Variants in LOC728392 observed in about 807,000 individuals in gnomAD.
At chr17:5,499,815 C>T in the LOC728392 span, 1 of 986,008 alleles carries the variant, frequency 1.0e-6, no homozygotes, top group African/African-American at 1.7e-5. Flanking sequence ...AGGAGTGCGC[C>T]AGCTCTGGGC....
At chr17:5,500,773 G>T in the LOC728392 span, 2 of 1,199,628 alleles carry the variant, frequency 1.7e-6, no homozygotes, top group African/African-American at 3.4e-5. This position sits in a 1 kb window ranked among gnomAD's most constrained non-coding sequence, Gnocchi z 5.4. Flanking sequence ...TGCCCGGCGC[G>T]GCCCCCCTGC....
the LOC728392 span, chr17:5,500,226 G>A: frequency 9.1e-6 from 9 of 991,442 alleles, no homozygotes; most frequent in East Asian, 9.0e-4. This position sits in a 1 kb window ranked among gnomAD's most constrained non-coding sequence, Gnocchi z 5.4. Context: ...ATCCCTTAAA[G>A]ATTCCAAGAT....
the LOC728392 span, chr17:5,500,272 G>A: frequency 1.7e-4 from 165 of 998,690 alleles, no homozygotes; most frequent in Admixed American, 1.8e-4. The surrounding 1 kb of genome is among the most constrained non-coding windows in gnomAD (Gnocchi z 5.4). Context: ...ACAAAATGAT[G>A]GGATCCCTGC....
the LOC728392 span, chr17:5,499,665 G>C: frequency 1.4e-6 from 1 of 693,810 alleles, no homozygotes; most frequent in Non-Finnish European, 1.8e-6. Context: ...ACGAACTCTT[G>C]TCAATGAGAA....
At chr17:5,499,730 G>C in the LOC728392 span, 26 of 977,318 alleles carry the variant, frequency 2.7e-5, no homozygotes, top group African/African-American at 3.5e-5. Context: ...AGCCGGGCCA[G>C]AACGAAGCCA....
At chr17:5,500,004 C>G in the LOC728392 span, 18,635 of 986,120 alleles carry the variant, frequency 0.019, 190 homozygotes, top group Admixed American at 0.023. The surrounding 1 kb of genome is among the most constrained non-coding windows in gnomAD (Gnocchi z 5.4). Context: ...GGGGGCGCAG[C>G]ACGACACCCC....
chr17:5,500,422 T>A, the LOC728392 span: 2 of 1,108,392 alleles, frequency 1.8e-6, no homozygotes, highest in Non-Finnish European at 2.2e-6. This position sits in a 1 kb window ranked among gnomAD's most constrained non-coding sequence, Gnocchi z 5.4. Flanking sequence ...TGCCGGCAGC[T>A]ACTTTGTACT....
At chr17:5,500,694 A>C in the LOC728392 span, 1 of 1,268,650 alleles carries the variant, frequency 7.9e-7, no homozygotes, top group Non-Finnish European at 1.0e-6. This position sits in a 1 kb window ranked among gnomAD's most constrained non-coding sequence, Gnocchi z 5.4. Context: ...AAAATGGTCG[A>C]GATAGCAGCC....
At chr17:5,500,816 G>A in the LOC728392 span, 1 of 1,177,098 alleles carries the variant, frequency 8.5e-7, no homozygotes, top group South Asian at 1.6e-5. This position sits in a 1 kb window ranked among gnomAD's most constrained non-coding sequence, Gnocchi z 5.4. Context: ...CAGCCTTCTT[G>A]CCCGCGGCCG....
At chr17:5,500,508 A>G in the LOC728392 span, 1 of 1,188,902 alleles carries the variant, frequency 8.4e-7, no homozygotes, top group Non-Finnish European at 1.1e-6. The surrounding 1 kb of genome is among the most constrained non-coding windows in gnomAD (Gnocchi z 5.4). Flanking sequence ...AAGGGGGTGC[A>G]GCGCTGTTCT....
the LOC728392 span, chr17:5,500,441 G>A: frequency 2.6e-6 from 3 of 1,137,660 alleles, no homozygotes; most frequent in Non-Finnish European, 3.3e-6. The surrounding 1 kb of genome is among the most constrained non-coding windows in gnomAD (Gnocchi z 5.4). Flanking sequence ...CTTTCGTACT[G>A]ATAGACAAAG....
the LOC728392 span, chr17:5,500,848 C>G: frequency 1.8e-5 from 22 of 1,218,192 alleles, no homozygotes; most frequent in Non-Finnish European, 2.3e-5. The surrounding 1 kb of genome is among the most constrained non-coding windows in gnomAD (Gnocchi z 5.4). Context: ...GGCCCGCGGG[C>G]AGCGGGAGGG....
chr17:5,500,087 C>T, the LOC728392 span: 1 of 986,248 alleles, frequency 1.0e-6, no homozygotes, highest in Admixed American at 6.1e-5. The surrounding 1 kb of genome is among the most constrained non-coding windows in gnomAD (Gnocchi z 5.4). Context: ...TCGGCCGCGC[C>T]AACTCTGGGG....
chr17:5,500,931 C>G, the LOC728392 span: 4 of 1,257,450 alleles, frequency 3.2e-6, no homozygotes, highest in African/African-American at 6.5e-5. The surrounding 1 kb of genome is among the most constrained non-coding windows in gnomAD (Gnocchi z 5.4). Context: ...ACCCCAGGGT[C>G]TGCGCCGAAA....
the LOC728392 span, chr17:5,500,293 A>G: frequency 1.0e-6 from 1 of 999,932 alleles, no homozygotes; most frequent in Non-Finnish European, 1.2e-6. This position sits in a 1 kb window ranked among gnomAD's most constrained non-coding sequence, Gnocchi z 5.4. Flanking sequence ...GCGTGCCCCC[A>G]CGTCACAGAG....
At chr17:5,500,914 G>A in the LOC728392 span, 4 of 1,262,520 alleles carry the variant, frequency 3.2e-6, no homozygotes, top group South Asian at 3.8e-5. This position sits in a 1 kb window ranked among gnomAD's most constrained non-coding sequence, Gnocchi z 5.4. Context: ...GGGCGAATCT[G>A]CTCGAGACCC....
the LOC728392 span, chr17:5,500,067 T>A: frequency 1.0e-6 from 1 of 986,306 alleles, no homozygotes; most frequent in Non-Finnish European, 1.2e-6. This position sits in a 1 kb window ranked among gnomAD's most constrained non-coding sequence, Gnocchi z 5.4. Context: ...CTGCGCGCTC[T>A]TGTCCTCTCT....
chr17:5,500,063 G>C, the LOC728392 span: 8 of 985,920 alleles, frequency 8.1e-6, no homozygotes, highest in Non-Finnish European at 9.6e-6. The surrounding 1 kb of genome is among the most constrained non-coding windows in gnomAD (Gnocchi z 5.4). Flanking sequence ...CCTGCTGCGC[G>C]CTCTTGTCCT....
chr17:5,500,236 T>C, the LOC728392 span: 6 of 992,604 alleles, frequency 6.0e-6, no homozygotes, highest in South Asian at 8.8e-5. This position sits in a 1 kb window ranked among gnomAD's most constrained non-coding sequence, Gnocchi z 5.4. Flanking sequence ...GATTCCAAGA[T>C]TGGGCGCACT....
Sources: allele counts gnomAD v4.1 joint callset, GRCh38; gene constraint gnomAD v4.1.1; non-coding constraint Gnocchi (gnomAD v3.1); transcripts MANE v1.5.